The following RANBP2 variants were observed in gnomAD, a reference collection of about 807,000 sequenced individuals.
RANBP2 encodes the protein E3 SUMO-protein ligase RanBP2.
Under a neutral mutation model 303.6 loss-of-function variants are expected in RANBP2, and 57 were observed. That is an observed-to-expected ratio of 0.19 (90% CI 0.15 to 0.23). RANBP2 has a LOEUF of 0.23. RANBP2 is among the 10% of genes least tolerant of loss of function. The pLI is 1.00. For missense variants in RANBP2, 3,138 were observed against 3,780.8 expected (o/e 0.83, Z 4.46); for synonymous variants, 1,167 against 1,301.5 (o/e 0.90, Z 2.23).
the RANBP2 span, among the ~76,000 whole-genome samples, chr2:109,361,143 G>T: frequency 6.6e-6 from 1 of 152,162 alleles, no homozygotes; most frequent in Non-Finnish European, 1.5e-5. Flanking sequence ...ATTTTTAGAT[G>T]TTGAGCCAGC....
At chr2:109,576,998 C>G in the RANBP2 span, among the ~76,000 whole-genome samples, 1 of 151,994 alleles carries the variant, frequency 6.6e-6, no homozygotes, top group Non-Finnish European at 1.5e-5. Flanking sequence ...ATATCACAAG[C>G]AGGGTAAATT....
chr2:109,560,749 C>T, the RANBP2 span, among the ~76,000 whole-genome samples: 3,954 of 152,256 alleles, frequency 0.026, 65 homozygotes, highest in South Asian at 0.075. Context: ...TTCAGCCATA[C>T]CTATCTAGAT....
the RANBP2 span, among the ~76,000 whole-genome samples, chr2:109,405,243 C>G: frequency 6.6e-6 from 1 of 152,206 alleles, no homozygotes; most frequent in Non-Finnish European, 1.5e-5. Flanking sequence ...TGACACCCCT[C>G]TTTCCGCAAA....
the RANBP2 span, among the ~76,000 whole-genome samples, chr2:109,202,300 C>T: frequency 5.3e-5 from 8 of 152,262 alleles, no homozygotes; most frequent in South Asian, 2.1e-4. Context: ...TGGACCCCCT[C>T]GGAGGGGAGC....
chr2:108,721,469 G>T (rs1694238455), intron 1 of RANBP2, among the ~76,000 whole-genome samples: 2 of 152,068 alleles, frequency 1.3e-5, no homozygotes, highest in African/African-American at 4.8e-5. Flanking sequence ...TTGAGGTGGG[G>T]TCTCACTCTG....
the RANBP2 span, among the ~76,000 whole-genome samples, chr2:108,807,414 G>C: frequency 6.6e-6 from 1 of 152,010 alleles, no homozygotes; most frequent in South Asian, 2.1e-4. Context: ...CATAATTATG[G>C]GGTACAGTGA....
the RANBP2 span, chr2:109,437,157 A>G: frequency 6.2e-7 from 1 of 1,603,378 alleles, no homozygotes; most frequent in Non-Finnish European, 8.5e-7. Flanking sequence ...GTACCTTCAC[A>G]GGGGCCTCAC....
chr2:108,806,235 T>G, the RANBP2 span, among the ~76,000 whole-genome samples: 1 of 152,236 alleles, frequency 6.6e-6, no homozygotes, highest in African/African-American at 2.4e-5. Context: ...GAGAGATTGC[T>G]CTTTCTCATT....
At chr2:108,762,310 T>C in intron 19 of RANBP2, 115 bp downstream of exon 19, 1 of 1,056,138 alleles carries the variant, frequency 9.5e-7, no homozygotes. Flanking sequence ...TCCCTTAAAA[T>C]GTAGATATTT....
At chr2:109,059,261 C>A in the RANBP2 span, among the ~76,000 whole-genome samples, 1 of 152,196 alleles carries the variant, frequency 6.6e-6, no homozygotes. Context: ...AGTTATCCGC[C>A]TAAACTATCA....
chr2:109,182,333 A>G, the RANBP2 span, among the ~76,000 whole-genome samples: 1 of 152,202 alleles, frequency 6.6e-6, no homozygotes, highest in Non-Finnish European at 1.5e-5. Context: ...TTTTATAACT[A>G]GCCCACTCCC....
the RANBP2 span, among the ~76,000 whole-genome samples, chr2:109,416,529 C>G: frequency 1.3e-5 from 2 of 152,064 alleles, no homozygotes; most frequent in Non-Finnish European, 2.9e-5. Context: ...GGATTACAGG[C>G]GTGCGCCATC....
the RANBP2 span, among the ~76,000 whole-genome samples, chr2:109,049,563 A>G: frequency 6.6e-6 from 1 of 152,168 alleles, no homozygotes; most frequent in East Asian, 1.9e-4. Flanking sequence ...CTTATTTCAG[A>G]GGATGCTTCT....
chr2:109,305,930 T>G, the RANBP2 span, among the ~76,000 whole-genome samples: 69 of 152,346 alleles, frequency 4.5e-4, no homozygotes, highest in African/African-American at 1.5e-3. Flanking sequence ...CTCCTCCAGC[T>G]GCTCCTCCAG....
the RANBP2 span, among the ~76,000 whole-genome samples, chr2:109,120,667 C>CAAAAA: frequency 8.3e-5 from 5 of 59,890 alleles, no homozygotes; most frequent in African/African-American, 3.3e-4. Context: ...AACTCCGTCT[C>CAAAAA]AAAAAAAAAA....
chr2:108,934,223 C>G, the RANBP2 span, among the ~76,000 whole-genome samples: 2 of 152,156 alleles, frequency 1.3e-5, no homozygotes, highest in Non-Finnish European at 2.9e-5. Context: ...TACCAATTCT[C>G]TGAGAGGGTG....
At chr2:109,405,403 A>G in the RANBP2 span, among the ~76,000 whole-genome samples, 3 of 152,034 alleles carry the variant, frequency 2.0e-5, no homozygotes, top group African/African-American at 7.2e-5. Flanking sequence ...GTCCCTTGGA[A>G]GGTTCTGGGG....
chr2:108,788,154 C>T (rs539657351), downstream of RANBP2: 31 of 1,537,582 alleles, frequency 2.0e-5, no homozygotes, highest in South Asian at 3.2e-4. Context: ...CGCGGTGGCT[C>T]ACGCCTGTAA....
chr2:109,507,665 G>A, the RANBP2 span, among the ~76,000 whole-genome samples: 4 of 152,178 alleles, frequency 2.6e-5, no homozygotes, highest in Admixed American at 6.5e-5. Flanking sequence ...AGGGTCAGCT[G>A]GTGTTTAACA....
Sources: gnomAD v4.1 joint callset for allele counts (sites outside exome capture counted in the v4.1 genomes callset) on GRCh38, gnomAD v4.1.1 for gene constraint, MANE v1.5 for transcripts, NCBI Gene and HGNC (gene_info 2026-07-23, HGNC 2026-07-21) for gene names.